The following FHIT variants were observed in gnomAD, a reference collection of about 807,000 sequenced individuals.
FHIT encodes the protein bis(5'-adenosyl)-triphosphatase.
FHIT carries 19 observed loss-of-function variants against 17.9 expected under a neutral mutation model. The ratio of observed to expected loss-of-function variants is 1.06; its 90% CI spans 0.74 to 1.56. The LOEUF (loss-of-function observed/expected upper bound fraction) is 1.56, where lower values mean the gene tolerates loss of function less well. Ranked by LOEUF, FHIT falls within the 40% of genes most tolerant of loss-of-function variation. The pLI is 0.00. For missense variants in FHIT, 248 were observed against 189.2 expected (o/e 1.31, Z -1.82); for synonymous variants, 81 against 69.7 (o/e 1.16, Z -0.81).
chr3:60,092,603 G>T (rs929633946), intron 5 of FHIT, among the ~76,000 whole-genome samples: 1 of 152,108 alleles, frequency 6.6e-6, no homozygotes, highest in African/African-American at 2.4e-5. Flanking sequence ...GGTAAGTATG[G>T]TAAGAACAAG....
intron 4 of FHIT, among the ~76,000 whole-genome samples, chr3:60,563,339 C>T (rs181913702): frequency 2.8e-4 from 43 of 152,316 alleles, no homozygotes; most frequent in Admixed American, 1.7e-3. Context: ...TACTTCATTT[C>T]ACTGCATTTT....
chr3:60,495,664 C>T (rs952364718), intron 5 of FHIT, among the ~76,000 whole-genome samples: 1 of 151,994 alleles, frequency 6.6e-6, no homozygotes, highest in South Asian at 2.1e-4. Flanking sequence ...TAAATGAATC[C>T]ATGTATTCAA....
chr3:60,834,633 G>A (rs927389312), intron 3 of FHIT, among the ~76,000 whole-genome samples: 11 of 151,994 alleles, frequency 7.2e-5, no homozygotes, highest in African/African-American at 2.7e-4. Flanking sequence ...CGAGGAGGGT[G>A]GATCTTTTGA....
chr3:61,113,968 C>T (rs925342751), intron 2 of FHIT, among the ~76,000 whole-genome samples: 1 of 152,140 alleles, frequency 6.6e-6, no homozygotes, highest in African/African-American at 2.4e-5. Context: ...ACAAGAGCAA[C>T]TATTATTACC....
intron 1 of FHIT, among the ~76,000 whole-genome samples, chr3:61,214,583 G>A (rs2039607717): frequency 6.6e-6 from 1 of 152,088 alleles, no homozygotes; most frequent in Non-Finnish European, 1.5e-5. Flanking sequence ...GAGGTACAAG[G>A]AGGAACTGGT....
intron 2 of FHIT, among the ~76,000 whole-genome samples, chr3:61,108,950 T>C (rs1165513433): frequency 1.3e-5 from 2 of 152,226 alleles, no homozygotes; most frequent in Non-Finnish European, 2.9e-5. Context: ...TGATTAAAGT[T>C]AGCCTAAAAG....
chr3:60,593,105 C>T (rs1405747505), intron 4 of FHIT, among the ~76,000 whole-genome samples: 1 of 152,106 alleles, frequency 6.6e-6, no homozygotes, highest in Non-Finnish European at 1.5e-5. Context: ...TGTGGGCTTT[C>T]ATTCAGTGGG....
At chr3:60,533,494 T>A (rs1270772748) in intron 5 of FHIT, among the ~76,000 whole-genome samples, 1 of 152,198 alleles carries the variant, frequency 6.6e-6, no homozygotes, top group Non-Finnish European at 1.5e-5. Flanking sequence ...CTGGGCTGTG[T>A]GTTTGGTCTT....
intron 5 of FHIT, among the ~76,000 whole-genome samples, chr3:60,085,084 C>A (rs1199167507): frequency 6.6e-6 from 1 of 152,158 alleles, no homozygotes; most frequent in Non-Finnish European, 1.5e-5. Flanking sequence ...AATATGACAA[C>A]AGACTTAGGC....
intron 3 of FHIT, among the ~76,000 whole-genome samples, chr3:60,853,920 T>A (rs142321259): frequency 5.3e-4 from 81 of 152,256 alleles, no homozygotes; most frequent in African/African-American, 1.9e-3. Context: ...TTGGTGTCCT[T>A]AGTAACACTG....
chr3:60,796,179 C>T (rs1553730265), intron 4 of FHIT, among the ~76,000 whole-genome samples: 3 of 152,124 alleles, frequency 2.0e-5, no homozygotes, highest in African/African-American at 4.8e-5. Context: ...TCCCACAACA[C>T]GTGGGAATTC....
At chr3:60,814,387 T>C (rs1033990981) in intron 4 of FHIT, among the ~76,000 whole-genome samples, 1 of 152,128 alleles carries the variant, frequency 6.6e-6, no homozygotes, top group South Asian at 2.1e-4. Flanking sequence ...GTCCCCAGTG[T>C]CTATTGTTAC....
At chr3:60,538,631 A>G (rs2107602707) in intron 4 of FHIT, among the ~76,000 whole-genome samples, 1 of 152,288 alleles carries the variant, frequency 6.6e-6, no homozygotes, top group Admixed American at 6.5e-5. Context: ...CTCAGAAATA[A>G]TGCCACACAT....
chr3:60,399,953 T>G (rs1022291122), intron 5 of FHIT, among the ~76,000 whole-genome samples: 1 of 152,168 alleles, frequency 6.6e-6, no homozygotes, highest in Non-Finnish European at 1.5e-5. Context: ...AGTATCCTCT[T>G]GCTCCCAGCC....
At chr3:61,204,587 G>A (rs1456856538) in intron 1 of FHIT, among the ~76,000 whole-genome samples, 1 of 152,132 alleles carries the variant, frequency 6.6e-6, no homozygotes, top group Non-Finnish European at 1.5e-5. Context: ...ACTAAGTCCA[G>A]CTGTGTCAGG....
intron 3 of FHIT, among the ~76,000 whole-genome samples, chr3:60,931,099 C>A (rs1296093221): frequency 6.6e-6 from 1 of 151,480 alleles, no homozygotes; most frequent in Non-Finnish European, 1.5e-5. Context: ...TCATTCTCAG[C>A]AAACTATCGC....
At chr3:60,033,024 TA>T (rs948316945) in intron 5 of FHIT, among the ~76,000 whole-genome samples, 5 of 151,420 alleles carry the variant, frequency 3.3e-5, no homozygotes, top group African/African-American at 7.3e-5. Context: ...CTGACTCAGT[TA>T]AAAAAAAATT....
intron 2 of FHIT, among the ~76,000 whole-genome samples, chr3:61,089,252 A>C (rs560233671): frequency 6.6e-6 from 1 of 152,316 alleles, no homozygotes; most frequent in East Asian, 1.9e-4. Flanking sequence ...AAAATTTACT[A>C]TTTTAACCAT....
At position 60,857,967 on chromosome 3, in the gene FHIT, G is replaced by A. The variant is rs115303352; in HGVS notation, c.-110-35956C>T. Among the ~76,000 whole-genome samples the A allele has an allele frequency of 1.0e-2, 1,519 of 152,200 alleles. 22 individuals are homozygous for A. Among genetic ancestry groups the A allele is most frequent in the African/African-American group, 0.034 (1,417 of 41,532 alleles). On this transcript the variant is annotated intron_variant, in intron 3 of 9. Transcript: ENST00000492590. ...TCAACTGGATCACTAGCCTATAAGAGCTTAACAATTGTTAGGTAGTATTAC... is the reference window on the plus strand; with the variant it reads ...TCAACTGGATCACTAGCCTATAAGAACTTAACAATTGTTAGGTAGTATTAC...
Sources: allele counts gnomAD v4.1 joint callset (sites outside exome capture counted in the v4.1 genomes callset), GRCh38; gene constraint gnomAD v4.1.1; transcripts MANE v1.5; gene names NCBI Gene and HGNC (gene_info 2026-07-23, HGNC 2026-07-21).